PRAC2: variants seen among roughly 807,000 people sequenced by gnomAD.
PRAC2 encodes PRAC2 small nuclear protein.
For synonymous variants in PRAC2, 43 were observed against 49.5 expected (o/e 0.87, Z 0.55); for missense variants, 92 against 114.5 (o/e 0.80, Z 0.90).
upstream of PRAC2, chr17:48,721,807 A>C: frequency 6.5e-7 from 1 of 1,540,522 alleles, no homozygotes; most frequent in Non-Finnish European, 8.8e-7. Context: ...GTGCTCAAGG[A>C]ATCTTCCTGC....
At chr17:48,721,321 A>AATT (rs933133014), upstream of PRAC2, among the ~76,000 whole-genome samples, 34 of 151,834 alleles carry the variant, frequency 2.2e-4, no homozygotes, top group East Asian at 3.5e-3. Context: ...AAAAAGGTGC[A>AATT]ATTATTATTA....
upstream of PRAC2, chr17:48,722,620 G>A (rs2038158003): frequency 1.9e-6 from 1 of 539,460 alleles, no homozygotes; most frequent in Non-Finnish European, 3.3e-6. Flanking sequence ...GCTGCAAGTA[G>A]GGGCGAAAGC....
chr17:48,723,646 C>A, intron 1 of PRAC2: 1 of 1,174,696 alleles, frequency 8.5e-7, no homozygotes, highest in Non-Finnish European at 1.1e-6. Flanking sequence ...GGATTCTCGG[C>A]TGGCGGCGGC....
upstream of PRAC2, among the ~76,000 whole-genome samples, chr17:48,723,000 C>T (rs907316901): frequency 2.0e-5 from 3 of 152,230 alleles, no homozygotes; most frequent in Admixed American, 1.3e-4. Context: ...TTCCCTCACT[C>T]TCCCCCGACC....
chr17:48,722,437 G>A (rs765270447), upstream of PRAC2: 1 of 1,564,760 alleles, frequency 6.4e-7, no homozygotes, highest in Non-Finnish European at 8.8e-7. Flanking sequence ...CAGCTTGCCT[G>A]ACCTTGCAAG....
At chr17:48,723,565 T>A in intron 1 of PRAC2, 2 of 522,606 alleles carry the variant, frequency 3.8e-6, no homozygotes, top group Non-Finnish European at 5.9e-6. Flanking sequence ...TTTTCCTGCT[T>A]CGAGGGCTTT....
upstream of PRAC2, chr17:48,721,925 A>G (rs1245311747): frequency 6.7e-7 from 1 of 1,488,640 alleles, no homozygotes; most frequent in Admixed American, 2.4e-5. Flanking sequence ...ATATTTACAA[A>G]TTTTAAATAA....
chr17:48,721,829 G>A (rs554311327), upstream of PRAC2: 113 of 1,542,632 alleles, frequency 7.3e-5, 1 homozygote, highest in South Asian at 6.5e-4. Flanking sequence ...TCGGCCTCCC[G>A]AAATTCCAGA....
At chr17:48,719,510 C>A (rs1298592998), upstream of PRAC2, among the ~76,000 whole-genome samples, 3 of 152,214 alleles carry the variant, frequency 2.0e-5, no homozygotes, top group African/African-American at 4.8e-5. Flanking sequence ...CCCCGGATAA[C>A]CCCGCCGAGG....
chr17:48,724,532 C>A lies in PRAC2; in HGVS notation c.122C>A (p.Pro41Gln), dbSNP rs1372416587. The A allele has an allele frequency of 5.7e-6, 7 of 1,232,776 alleles. No homozygotes were observed. The highest frequency in any genetic ancestry group is 8.4e-5 in the Admixed American group (2 of 23,682). 76.4% of individuals were successfully genotyped at this position (1,232,776 alleles called of 1,614,324 possible). ...TTCCTGGGTCTCTCGGGGGCTGGACCAATACATCTGCCGATGCCCTGGCCG... is the reference window on the plus strand; with the variant it reads ...TTCCTGGGTCTCTCGGGGGCTGGACAAATACATCTGCCGATGCCCTGGCCG... ...AFFLGLSGAG[P>Q]IHLPMPWPNG... The change falls in exon 2 of 2, where the codon CCA becomes CAA. Residue 41 changes from proline to glutamine, a missense_variant. Pro to Gln is a moderately conservative substitution (Grantham distance 76). Transcript: ENST00000422730.
upstream of PRAC2, among the ~76,000 whole-genome samples, chr17:48,719,834 G>C (rs922944195): frequency 6.6e-6 from 1 of 152,248 alleles, no homozygotes; most frequent in African/African-American, 2.4e-5. Flanking sequence ...GAAGCTCTTT[G>C]ATAAAGCCGC....
At chr17:48,719,058 G>C (rs1031249402), upstream of PRAC2, among the ~76,000 whole-genome samples, 1 of 152,202 alleles carries the variant, frequency 6.6e-6, no homozygotes, top group African/African-American at 2.4e-5. Flanking sequence ...ACGCCAGACG[G>C]AGTGGCCCCT....
chr17:48,722,887 C>A (rs745443348), upstream of PRAC2, among the ~76,000 whole-genome samples: 1 of 152,130 alleles, frequency 6.6e-6, no homozygotes, highest in African/African-American at 2.4e-5. Context: ...CCAGGCTGGG[C>A]GCCAGCATTA....
Position 48,724,367 on chromosome 17 carries a change from G to GT in PRAC2, c.-44_-43insT, listed in dbSNP as rs2038180569. On this transcript the variant is annotated 5_prime_UTR_variant, in exon 2 of 2. Transcript: ENST00000422730. ...AATCCGAAAAAAAGTGTGTGTGGGGGGGTCCACACCACTAATTATTATGGC... is the reference window on the plus strand; with the variant it reads ...AATCCGAAAAAAAGTGTGTGTGGGGGTGGTCCACACCACTAATTATTATGGC... 1.6e-6 allele frequency: 2 copies of GT among 1,234,132 alleles called. No homozygotes were observed. Among genetic ancestry groups the GT allele is most frequent in the African/African-American group, 3.1e-5 (2 of 64,472 alleles). The allele number at this position is 1,234,132 out of a possible 1,614,324, so 76.4% of individuals were successfully genotyped here. A position where few individuals can be genotyped will look rare whatever the true frequency, so the allele number is the denominator to read the frequency against.
intron 1 of PRAC2, chr17:48,723,730 G>T: frequency 8.1e-7 from 1 of 1,231,796 alleles, no homozygotes. Context: ...CGCGCTCTGC[G>T]TTGCGGGTGC....
At chr17:48,722,031 G>A, upstream of PRAC2, 2 of 1,050,656 alleles carry the variant, frequency 1.9e-6, no homozygotes, top group South Asian at 1.8e-5. Flanking sequence ...GCGGGTGCTA[G>A]TTCCCACTCC....
upstream of PRAC2, among the ~76,000 whole-genome samples, chr17:48,720,765 TGAG>T (rs1266917043): frequency 6.6e-6 from 1 of 152,178 alleles, no homozygotes; most frequent in African/African-American, 2.4e-5. Flanking sequence ...GTCCAGTGCC[TGAG>T]GAGGGGCTGG....
chr17:48,721,612 A>C (rs1051575012), upstream of PRAC2: 1 of 470,210 alleles, frequency 2.1e-6, no homozygotes, highest in African/African-American at 2.0e-5. Flanking sequence ...GCCATGAGCC[A>C]CTATGCCTGG....
upstream of PRAC2, among the ~76,000 whole-genome samples, chr17:48,719,763 G>GC (rs548955074): frequency 3.1e-3 from 473 of 152,294 alleles, 1 homozygote; most frequent in African/African-American, 0.01. Flanking sequence ...TTGCCGGATG[G>GC]CCTCAAGAAT....
Sources: allele counts gnomAD v4.1 joint callset (sites outside exome capture counted in the v4.1 genomes callset), GRCh38; gene constraint gnomAD v4.1.1; transcripts MANE v1.5; gene names NCBI Gene and HGNC (gene_info 2026-07-23, HGNC 2026-07-21).